SPHKAP: variants seen among roughly 807,000 people sequenced by gnomAD.
The protein encoded by SPHKAP is A-kinase anchor protein SPHKAP.
A neutral mutation model predicts 137.5 loss-of-function variants in SPHKAP; 67 were observed. That is an observed-to-expected ratio of 0.49 (90% CI 0.40 to 0.60). SPHKAP has a LOEUF of 0.60. Among genes scored for constraint, SPHKAP ranks in the 20% least tolerant of loss-of-function variants. The probability of loss-of-function intolerance (pLI) is 0.00; values close to 1 mark genes in which losing one functional copy is unlikely to be tolerated. For synonymous variants in SPHKAP, 813 were observed against 785.3 expected (o/e 1.04, Z -0.59); for missense variants, 2,097 against 2,069.3 (o/e 1.01, Z -0.26).
intron 2 of SPHKAP, among the ~76,000 whole-genome samples, chr2:228,129,690 ATT>A (rs1247542429): frequency 6.6e-6 from 1 of 151,858 alleles, no homozygotes; most frequent in African/African-American, 2.4e-5. Context: ...AAATGTATAT[ATT>A]TATGTATAAA....
At chr2:228,153,313 T>G (rs567682882) in intron 1 of SPHKAP, among the ~76,000 whole-genome samples, 1 of 152,250 alleles carries the variant, frequency 6.6e-6, no homozygotes, top group South Asian at 2.1e-4. Context: ...GCTGAATATT[T>G]AAAACTTTCT....
intron 8 of SPHKAP, 30 bp from the exon 9 acceptor site, chr2:227,993,650 C>T: frequency 6.6e-7 from 1 of 1,521,948 alleles, no homozygotes; most frequent in Non-Finnish European, 8.9e-7. Flanking sequence ...CATATTAATG[C>T]CCGTCTCCAC....
intron 1 of SPHKAP, among the ~76,000 whole-genome samples, chr2:228,165,975 A>AG (rs1339164364): frequency 2.7e-5 from 4 of 146,900 alleles, no homozygotes; most frequent in Non-Finnish European, 6.1e-5. Context: ...TTCCAAAAAA[A>AG]GAAGAAAGTA....
Position 227,993,601 on chromosome 2 carries a change from T to A in SPHKAP, c.4654A>T (p.Thr1552Ser), listed in dbSNP as rs773133325. 4.4e-6 allele frequency: 7 copies of A among 1,598,502 alleles called. No homozygotes were observed. The highest frequency in any genetic ancestry group is 6.0e-6 in the Non-Finnish European group (7 of 1,172,270). Residue 1552 changes from threonine to serine, a missense_variant, in exon 9 of 12, where the codon ACT (threonine) becomes TCT (serine). Thr to Ser is a moderately conservative substitution (Grantham distance 58). Transcript: ENST00000392056. Reference protein sequence around the residue: ...RSMSNGNSSATSSLGIMDLDI... With the variant: ...RSMSNGNSSASSSLGIMDLDI... ...AGATCCATAATGCCAAGACTGCTAG[T>A]GGCACTACTGTTGCCATTGCTGACA... is the stretch of plus-strand genomic sequence containing the variant.
At chr2:227,994,134 A>G (rs1693532470) in intron 8 of SPHKAP, 1 of 950,874 alleles carries the variant, frequency 1.1e-6, no homozygotes, top group Admixed American at 6.2e-5. Flanking sequence ...TCATAGGCTG[A>G]GCATCTGGCT....
intron 3 of SPHKAP, among the ~76,000 whole-genome samples, chr2:228,062,188 A>G (rs1344794728): frequency 6.7e-6 from 1 of 150,328 alleles, no homozygotes; most frequent in African/African-American, 2.5e-5. Context: ...TTTTTTTTTA[A>G]ATCTTGTCTC....
chr2:228,072,510 G>A (rs59438198), intron 3 of SPHKAP, among the ~76,000 whole-genome samples: 2,829 of 152,124 alleles, frequency 0.019, 86 homozygotes, highest in African/African-American at 0.062. Context: ...CCCCAAATCC[G>A]TGTTTTACAA....
chr2:228,014,745 A>T (rs7585297), intron 7 of SPHKAP, among the ~76,000 whole-genome samples: 80,009 of 151,968 alleles, frequency 0.53, 21,409 homozygotes, highest in South Asian at 0.67. Flanking sequence ...AAAAGTATCA[A>T]GAATTTTCAG....
At chr2:228,040,419 C>A (rs934988150) in intron 3 of SPHKAP, among the ~76,000 whole-genome samples, 1 of 152,180 alleles carries the variant, frequency 6.6e-6, no homozygotes, top group Non-Finnish European at 1.5e-5. Context: ...TTTTCATCAA[C>A]GGTGTTATGC....
chr2:228,154,481 ACTCTCTCTCT>A (rs371642332), intron 1 of SPHKAP, among the ~76,000 whole-genome samples: 5 of 47,206 alleles, frequency 1.1e-4, no homozygotes, highest in African/African-American at 4.5e-4. Flanking sequence ...TTGTAAATAA[ACTCTCTCTCT>A]CTCTCTCTCT....
intron 3 of SPHKAP, among the ~76,000 whole-genome samples, chr2:228,070,972 A>G (rs1314165419): frequency 6.6e-6 from 1 of 152,140 alleles, no homozygotes; most frequent in East Asian, 1.9e-4. Flanking sequence ...GTTCAGTATC[A>G]AAAGAGTTGA....
At chr2:228,117,911 G>T (rs1698765040) in intron 2 of SPHKAP, among the ~76,000 whole-genome samples, 1 of 149,594 alleles carries the variant, frequency 6.7e-6, no homozygotes, top group Non-Finnish European at 1.5e-5. Flanking sequence ...ACCTGAATAA[G>T]TGAAAAATAG....
intron 1 of SPHKAP, among the ~76,000 whole-genome samples, chr2:228,158,322 C>CTTTTT (rs1360178566): frequency 1.0e-5 from 1 of 97,750 alleles, no homozygotes; most frequent in African/African-American, 4.4e-5. Flanking sequence ...TAATTTACTT[C>CTTTTT]TTTCTTTTTT....
At chr2:228,108,425 T>C (rs1460936275) in intron 3 of SPHKAP, among the ~76,000 whole-genome samples, 1 of 152,146 alleles carries the variant, frequency 6.6e-6, no homozygotes, top group Non-Finnish European at 1.5e-5. Flanking sequence ...AAATAATGAC[T>C]GTAACATATA....
intron 9 of SPHKAP, chr2:227,991,833 TAAG>T (rs918958699): frequency 2.1e-6 from 1 of 473,334 alleles, no homozygotes; most frequent in African/African-American, 2.1e-5. Flanking sequence ...TGATCTGAAA[TAAG>T]AAAAAAGACA....
chr2:228,167,505 CATT>C (rs1172705617), intron 1 of SPHKAP, among the ~76,000 whole-genome samples: 1 of 152,034 alleles, frequency 6.6e-6, no homozygotes, highest in Admixed American at 6.6e-5. Flanking sequence ...GCAATGAACA[CATT>C]ATATGGGGCC....
At chr2:228,001,248 T>C (rs112559308) in intron 7 of SPHKAP, among the ~76,000 whole-genome samples, 25,400 of 114,232 alleles carry the variant, frequency 0.22, 2,462 homozygotes, top group East Asian at 0.42. Context: ...TATATATATA[T>C]ACACACACAC....
At chr2:228,066,002 G>A (rs1696816966) in intron 3 of SPHKAP, among the ~76,000 whole-genome samples, 1 of 152,180 alleles carries the variant, frequency 6.6e-6, no homozygotes, top group South Asian at 2.1e-4. Flanking sequence ...AAGCTAAGGA[G>A]CAGTGGGATG....
At chr2:228,001,256 C>CAT (rs1294727752) in intron 7 of SPHKAP, among the ~76,000 whole-genome samples, 1 of 122,366 alleles carries the variant, frequency 8.2e-6, no homozygotes, top group Non-Finnish European at 1.7e-5. Flanking sequence ...TATACACACA[C>CAT]ACACACATAT....
Sources: allele counts gnomAD v4.1 joint callset (sites outside exome capture counted in the v4.1 genomes callset), GRCh38; gene constraint gnomAD v4.1.1; transcripts MANE v1.5; gene names NCBI Gene and HGNC (gene_info 2026-07-23, HGNC 2026-07-21).